The following BCAS4 variants were observed in gnomAD, a reference collection of about 807,000 sequenced individuals.
BCAS4 encodes the protein breast carcinoma amplified sequence 4, also known as breast carcinoma-amplified sequence 4.
In BCAS4, 9 loss-of-function variants were observed where a neutral mutation model predicts 15.7. The observed-to-expected ratio is 0.57, with a 90% CI of 0.34 to 1.00. The LOEUF (loss-of-function observed/expected upper bound fraction) is 1.00, where lower values mean the gene tolerates loss of function less well. Ranked by LOEUF, BCAS4 falls within the 50% of genes least tolerant of loss-of-function variation. BCAS4 has a pLI of 0.02. For missense variants in BCAS4, 225 were observed against 239.1 expected, an observed-to-expected ratio of 0.94 and a Z score of 0.39; for synonymous variants, 101 against 99.5, an observed-to-expected ratio of 1.02 and a Z score of -0.09.
At chr20:50,801,026 C>G (rs2087920357) in intron 1 of BCAS4, among the ~76,000 whole-genome samples, 1 of 152,158 alleles carries the variant, frequency 6.6e-6, no homozygotes, top group South Asian at 2.1e-4. Context: ...ATGTTACATC[C>G]AACTTGCAAA....
chr20:50,835,040 A>G (rs938018907), intron 3 of BCAS4, among the ~76,000 whole-genome samples: 3 of 152,162 alleles, frequency 2.0e-5, no homozygotes, highest in Non-Finnish European at 4.4e-5. Flanking sequence ...TTTGTGTAAC[A>G]TATGTTTTCA....
intron 3 of BCAS4, among the ~76,000 whole-genome samples, chr20:50,839,967 T>G (rs961390127): frequency 6.6e-6 from 1 of 152,214 alleles, no homozygotes; most frequent in Non-Finnish European, 1.5e-5. Context: ...CTTGAACTCC[T>G]GGGCTCAAGT....
chr20:50,854,447 G>A (rs190992659), intron 4 of BCAS4, among the ~76,000 whole-genome samples: 4 of 152,172 alleles, frequency 2.6e-5, no homozygotes, highest in Admixed American at 2.6e-4. Context: ...GCACCCGGAC[G>A]CTCTGCGCTG....
At chr20:50,826,102 A>G (rs1011875758) in intron 2 of BCAS4, among the ~76,000 whole-genome samples, 4 of 152,148 alleles carry the variant, frequency 2.6e-5, no homozygotes, top group African/African-American at 4.8e-5. Flanking sequence ...ATACGATTCA[A>G]GTTTGTTCCC....
chr20:50,848,862 G>T (rs757127832), intron 4 of BCAS4, among the ~76,000 whole-genome samples: 1 of 152,258 alleles, frequency 6.6e-6, no homozygotes, highest in Admixed American at 6.5e-5. Context: ...GGAAAGAAAA[G>T]AGTCTCCAGA....
intron 2 of BCAS4, among the ~76,000 whole-genome samples, chr20:50,827,721 C>T (rs1400082966): frequency 6.6e-6 from 1 of 151,980 alleles, no homozygotes; most frequent in Admixed American, 6.6e-5. Context: ...CATGGGAGCC[C>T]CACTTGAATT....
intron 1 of BCAS4, among the ~76,000 whole-genome samples, chr20:50,802,327 C>CTT (rs2087937244): frequency 6.6e-6 from 1 of 152,128 alleles, no homozygotes; most frequent in African/African-American, 2.4e-5. Flanking sequence ...CTGAGCTGGC[C>CTT]GCCTCCCTGC....
At chr20:50,857,455 C>T (rs1400214329) in intron 4 of BCAS4, among the ~76,000 whole-genome samples, 4 of 152,180 alleles carry the variant, frequency 2.6e-5, no homozygotes, top group Admixed American at 6.5e-5. Flanking sequence ...AAGCACTTTC[C>T]GTTATATGAG....
chr20:50,855,964 C>T (rs973545455), intron 4 of BCAS4, among the ~76,000 whole-genome samples: 3 of 152,164 alleles, frequency 2.0e-5, no homozygotes, highest in East Asian at 1.9e-4. Context: ...AAAAGAGGAA[C>T]GAGCTCAAGG....
intron 1 of BCAS4, 80 bp downstream of exon 1, chr20:50,795,253 A>G: frequency 8.2e-7 from 1 of 1,220,158 alleles, no homozygotes; most frequent in Non-Finnish European, 1.0e-6. Flanking sequence ...GCTTCCCCGG[A>G]GCATCCTCTC....
chr20:50,844,445 TA>T (rs202162313), intron 4 of BCAS4, among the ~76,000 whole-genome samples: 1 of 151,384 alleles, frequency 6.6e-6, no homozygotes, highest in Non-Finnish European at 1.5e-5. Context: ...CTCTGAAAAT[TA>T]AAAAAAACAA....
chr20:50,813,564 G>A (rs2088098379), intron 1 of BCAS4, among the ~76,000 whole-genome samples: 1 of 152,126 alleles, frequency 6.6e-6, no homozygotes, highest in African/African-American at 2.4e-5. Context: ...CACATTGGAT[G>A]GGGTGGAAGG....
Position 50,876,790 on chromosome 20 carries a change from C to A in BCAS4, c.*182C>A. On this transcript the variant is annotated 3_prime_UTR_variant, in exon 5 of 5. Transcript: ENST00000371608. ...AACTCCTGGGCTCAAGTGATCCACC[C>A]ACCTTGGCCTTCCAAAGTGGTGGGA... 1 of 752,158 alleles carries A rather than the reference C, an allele frequency of 1.3e-6. No individual in the cohort carries two copies. Among genetic ancestry groups the A allele is most frequent in the Non-Finnish European group, 1.8e-6 (1 of 549,294 alleles). The allele number at this position is 752,158 out of a possible 1,614,324, so 46.6% of individuals were successfully genotyped here. A position where few individuals can be genotyped will look rare whatever the true frequency, so the allele number is the denominator to read the frequency against.
intron 3 of BCAS4, among the ~76,000 whole-genome samples, chr20:50,831,377 C>T (rs888032737): frequency 6.6e-6 from 1 of 151,758 alleles, no homozygotes; most frequent in African/African-American, 2.4e-5. Flanking sequence ...TGCACCACTG[C>T]ACTCCAGCCT....
At chr20:50,809,468 C>G (rs2088034543) in intron 1 of BCAS4, among the ~76,000 whole-genome samples, 1 of 152,174 alleles carries the variant, frequency 6.6e-6, no homozygotes, top group African/African-American at 2.4e-5. Context: ...CTCGGCCTCC[C>G]AAAGTGCTGG....
chr20:50,830,235 A>C, intron 2 of BCAS4, 44 bp from the exon 3 acceptor site: 1 of 1,529,338 alleles, frequency 6.5e-7, no homozygotes, highest in Non-Finnish European at 9.1e-7. Context: ...AGGAGGACAC[A>C]GTGATGGGGC....
intron 1 of BCAS4, among the ~76,000 whole-genome samples, chr20:50,798,411 C>T (rs1304322997): frequency 2.2e-5 from 3 of 136,440 alleles, no homozygotes; most frequent in African/African-American, 3.1e-5. Flanking sequence ...CAATGGCTTA[C>T]GCCTGTGGTC....
chr20:50,795,705 T>A (rs2087847450), intron 1 of BCAS4, among the ~76,000 whole-genome samples: 1 of 152,248 alleles, frequency 6.6e-6, no homozygotes, highest in African/African-American at 2.4e-5. Context: ...AAAAGTTATT[T>A]GTCTGAGTTC....
intron 4 of BCAS4, among the ~76,000 whole-genome samples, chr20:50,848,443 TG>T (rs1292974186): frequency 6.6e-6 from 1 of 152,164 alleles, no homozygotes; most frequent in Non-Finnish European, 1.5e-5. Context: ...CTGAGCTTGG[TG>T]CTTGAGAAAT....
Sources: allele counts gnomAD v4.1 joint callset (sites outside exome capture counted in the v4.1 genomes callset), GRCh38; gene constraint gnomAD v4.1.1; transcripts MANE v1.5; gene names NCBI Gene and HGNC (gene_info 2026-07-23, HGNC 2026-07-21).